The following OTOP2 variants were observed in gnomAD, a reference collection of about 807,000 sequenced individuals.
OTOP2 encodes otopetrin 2.
A neutral mutation model predicts 47.4 loss-of-function variants in OTOP2; 41 were observed. The ratio of observed to expected loss-of-function variants is 0.87; its 90% CI spans 0.67 to 1.12. The LOEUF is 1.12. Ranked by LOEUF, OTOP2 falls within the 50% of genes most tolerant of loss-of-function variation. The probability of loss-of-function intolerance (pLI) is 0.00; values close to 1 mark genes in which losing one functional copy is unlikely to be tolerated. For synonymous variants in OTOP2, 328 were observed against 319.6 expected, an observed-to-expected ratio of 1.03 and a Z score of -0.28; for missense variants, 721 against 752.2, an observed-to-expected ratio of 0.96 and a Z score of 0.49.
chr17:74,925,563 G>T lies in OTOP2; in HGVS notation c.321G>T (p.Leu107=). ...HAGPIWLRGG[L]VLFGICTLIM... ...CCCACCCCTGGTTTCCAGGTGGGCT[G>T]GTGCTGTTTGGAATCTGCACCCTCA... is the stretch of plus-strand genomic sequence containing the variant. The change falls in exon 3 of 7, where the codon CTG becomes CTT. Residue 107 remains leucine (L), a synonymous_variant. Transcript: ENST00000331427. 6.2e-7 allele frequency: 1 copy of T among 1,613,946 alleles called. No individual in the cohort carries two copies. The highest frequency in any genetic ancestry group is 8.5e-7 in the Non-Finnish European group (1 of 1,179,926).
rs2039022190 is a variant in OTOP2 at position 74,927,752 on chromosome 17, C to A, written c.597C>A (p.Tyr199Ter). The A allele has an allele frequency of 2.5e-6, 4 of 1,614,180 alleles. No individual in the cohort carries two copies. The highest frequency in any genetic ancestry group is 3.4e-6 in the Non-Finnish European group (4 of 1,180,020). The stretch of plus-strand genomic sequence containing the variant: ...AATCTGTGCACCAATCCCACTCCTA[C>A]AGCAGTTCTCACAGCAACGCCAGCC... ...VDESVHQSHS[Y>*]SSSHSNASHA... Residue 199 changes from tyrosine (Y) to a stop codon, truncating the protein, a stop_gained, in exon 5 of 7, where the codon TAC becomes TAA. Transcript: ENST00000331427. LOFTEE classifies it high-confidence loss of function.
Position 74,930,327 on chromosome 17 carries a change from C to T in OTOP2, c.692C>T (p.Ala231Val), listed in dbSNP as rs765038429. ...GGAGACTCCTGCCTCTGCAGCACGG[C>T]CGTCTGCCAGATCTTCCAGCAGGGG... ...VGGDSCLCST[A>V]VCQIFQQGYF... The change falls in exon 6 of 7, where the codon GCC (alanine) becomes GTC (valine). Residue 231 changes from alanine (A) to valine (V), a missense_variant. By Grantham distance (64) the Ala-to-Val change is moderately conservative (BLOSUM62 0). Coordinates refer to ENST00000331427, the MANE Select transcript of OTOP2 (RefSeq NM_178160.3). The surrounding 1 kb of genome is among the most constrained non-coding windows in gnomAD (Gnocchi z 4.0). 4 of 1,614,122 alleles carry T rather than the reference C, an allele frequency of 2.5e-6. No homozygotes were observed. Among genetic ancestry groups the T allele is most frequent in the Non-Finnish European group, 2.5e-6 (3 of 1,180,002 alleles).
chr17:74,925,087 T>A, intron 2 of OTOP2, 142 bp downstream of exon 2: 1 of 1,088,134 alleles, frequency 9.2e-7, no homozygotes, highest in South Asian at 1.7e-5. Flanking sequence ...GAGGGTGAAG[T>A]GGGCTGCAGT....
rs1227082216 is a variant in OTOP2 at position 74,930,605 on chromosome 17, G to T, written c.970G>T (p.Ala324Ser). ...CGGGGACGGGAGCCGCACCAGGCAG[G>T]CCCTGGTCATCTACTACAGCTTCAA... ...VSGDGSRTRQ[A>S]LVIYYSFNIV... Residue 324 changes from alanine (A) to serine (S), a missense_variant, in exon 6 of 7, where the codon GCC becomes TCC. Coordinates refer to ENST00000331427, the MANE Select transcript of OTOP2 (RefSeq NM_178160.3). This position sits in a 1 kb window ranked among gnomAD's most constrained non-coding sequence, Gnocchi z 4.0. The T allele has an allele frequency of 2.5e-6, 4 of 1,613,816 alleles. No individual in the cohort carries two copies. Among genetic ancestry groups the T allele is most frequent in the East Asian group, 2.2e-5 (1 of 44,884 alleles).
Position 74,933,309 on chromosome 17 carries a change from A to T in OTOP2, c.1519-66A>T, listed in dbSNP as rs1353435390. The T allele has an allele frequency of 1.3e-6, 2 of 1,535,594 alleles. No homozygotes were observed. Among genetic ancestry groups the T allele is most frequent in the African/African-American group, 2.7e-5 (2 of 73,502 alleles). On this transcript the variant is annotated intron_variant, in intron 6 of 6. Coordinates refer to ENST00000331427, the MANE Select transcript of OTOP2 (RefSeq NM_178160.3). The surrounding 1 kb of genome is among the most constrained non-coding windows in gnomAD (Gnocchi z 4.7). ...CGCCATCTAGCCACGGCCCAGCAAA[A>T]CCCACAGAAATGACCCACAGGCATC...
intron 5 of OTOP2, 109 bp downstream of exon 5, chr17:74,927,907 G>A (rs1354668760): frequency 2.1e-6 from 3 of 1,396,742 alleles, no homozygotes; most frequent in Non-Finnish European, 2.9e-6. Context: ...AGAGGCAAAG[G>A]ACAGAGCCAG....
chr17:74,927,378 G>C (rs2039017746), intron 4 of OTOP2, 97 bp downstream of exon 4: 1 of 1,389,812 alleles, frequency 7.2e-7, no homozygotes, highest in Non-Finnish European at 1.0e-6. Context: ...CTCTCTTTAT[G>C]TCCCCTGGGT....
chr17:74,932,152 T>C (rs551115296), intron 6 of OTOP2, among the ~76,000 whole-genome samples: 43 of 152,144 alleles, frequency 2.8e-4, no homozygotes, highest in Non-Finnish European at 5.3e-4. Context: ...CATGTACCTA[T>C]GTGGGTACAT....
intron 4 of OTOP2, 175 bp downstream of exon 4, chr17:74,927,456 C>A: frequency 9.7e-7 from 1 of 1,030,898 alleles, no homozygotes; most frequent in African/African-American, 1.6e-5. Context: ...CCCTTTCTCC[C>A]AGGGGAGGGA....
At chr17:74,926,018 G>A (rs567264122) in intron 3 of OTOP2, among the ~76,000 whole-genome samples, 8 of 152,218 alleles carry the variant, frequency 5.3e-5, no homozygotes, top group Non-Finnish European at 7.4e-5. Flanking sequence ...TTGGGTGCCC[G>A]TAGGGGGCTT....
chr17:74,925,034 C>G, intron 2 of OTOP2, 89 bp downstream of exon 2: 1 of 1,405,194 alleles, frequency 7.1e-7, no homozygotes, highest in Non-Finnish European at 9.4e-7. Flanking sequence ...TGCAGATTGA[C>G]ATACGAGGGC....
chr17:74,930,187 A>G lies in OTOP2; in HGVS notation c.644-92A>G, dbSNP rs1363474260. The G allele has an allele frequency of 6.9e-7, 1 of 1,440,314 alleles. No individual in the cohort carries two copies. Among genetic ancestry groups the G allele is most frequent in the South Asian group, 1.4e-5 (1 of 72,318 alleles). 89.2% of individuals were successfully genotyped at this position (1,440,314 alleles called of 1,614,324 possible). A position where few individuals can be genotyped will look rare whatever the true frequency, so the allele number is the denominator to read the frequency against. ...ATCAAGAGTGAAACTCCGTCTCAAA[A>G]CAAAACAAAAAAAAAAAGGTCACAG... On this transcript the variant is annotated intron_variant, in intron 5 of 6. Transcript: ENST00000331427. The surrounding 1 kb of genome is among the most constrained non-coding windows in gnomAD (Gnocchi z 4.0).
Position 74,930,712 on chromosome 17 carries a change from C to T in OTOP2, c.1077C>T (p.His359=). The change falls in exon 6 of 7, where the codon CAC becomes CAT. Residue 359 remains histidine, a synonymous_variant. Coordinates refer to ENST00000331427, the MANE Select transcript of OTOP2 (RefSeq NM_178160.3). This position sits in a 1 kb window ranked among gnomAD's most constrained non-coding sequence, Gnocchi z 4.0. The stretch of plus-strand genomic sequence containing the variant: ...GTTTTGACCGCCGGGCCATGGACCA[C>T]CATAAGAACCCCACGCGCACTCTGG... ...IYRFDRRAMD[H]HKNPTRTLDV... The T allele has an allele frequency of 6.2e-7, 1 of 1,614,110 alleles. No individual in the cohort carries two copies. The highest frequency in any genetic ancestry group is 8.5e-7 in the Non-Finnish European group (1 of 1,180,030).
chr17:74,927,294 G>A lies in OTOP2; in HGVS notation c.509+13G>A, dbSNP rs1275463979. ...TGGATCTGACCTGGTGAGAACTGCA[G>A]CTCGATGCCTGTACCCAGCGTGCTG... is the stretch of plus-strand genomic sequence containing the variant. On this transcript the variant is annotated intron_variant, in intron 4 of 6. Coordinates refer to ENST00000331427, the MANE Select transcript of OTOP2 (RefSeq NM_178160.3). 8 of 1,609,346 alleles carry A rather than the reference G, an allele frequency of 5.0e-6. No homozygotes were observed. The highest frequency in any genetic ancestry group is 4.4e-5 in the South Asian group (4 of 90,960).
intron 6 of OTOP2, among the ~76,000 whole-genome samples, chr17:74,932,160 C>A (rs1282817067): frequency 6.6e-6 from 1 of 152,044 alleles, no homozygotes; most frequent in Non-Finnish European, 1.5e-5. Flanking sequence ...TATGTGGGTA[C>A]ATCTCAAAGA....
rs1449231043 is a variant in OTOP2, at chr17:74,933,430, T to C, written c.1574T>C (p.Val525Ala). Reference protein sequence around the residue: ...ARPHFSNTVEVDFYGYSLWAV... With the variant: ...ARPHFSNTVEADFYGYSLWAV... ...CCTCATTTCAGCAACACAGTGGAGGTGGATTTCTACGGCTACTCCCTCTGG... is the reference window on the plus strand; with the variant it reads ...CCTCATTTCAGCAACACAGTGGAGGCGGATTTCTACGGCTACTCCCTCTGG... The change falls in exon 7 of 7, where the codon GTG (valine) becomes GCG (alanine). Residue 525 changes from valine (V) to alanine (A), a missense_variant. Physicochemically the swap from Val to Ala is moderately conservative, Grantham distance 64. Transcript: ENST00000331427. This position sits in a 1 kb window ranked among gnomAD's most constrained non-coding sequence, Gnocchi z 4.7. 1 of 1,613,882 alleles carries C rather than the reference T, an allele frequency of 6.2e-7. No individual in the cohort carries two copies. Among genetic ancestry groups the C allele is most frequent in the Non-Finnish European group, 8.5e-7 (1 of 1,179,856 alleles).
intron 3 of OTOP2, among the ~76,000 whole-genome samples, chr17:74,926,932 C>T (rs1455287111): frequency 6.6e-6 from 1 of 151,812 alleles, no homozygotes; most frequent in Non-Finnish European, 1.5e-5. Flanking sequence ...ATTTTTTGTG[C>T]GTTTTTAGTA....
Position 74,933,043 on chromosome 17 carries a change from T to C in OTOP2, c.1519-332T>C, listed in dbSNP as rs1598596750. Among the ~76,000 whole-genome samples the C allele has an allele frequency of 6.6e-6, 1 of 151,278 alleles. No individual in the cohort carries two copies. Among genetic ancestry groups the C allele is most frequent in the African/African-American group, 2.4e-5 (1 of 41,056 alleles). On this transcript the variant is annotated intron_variant, in intron 6 of 6. Transcript: ENST00000331427. This position sits in a 1 kb window ranked among gnomAD's most constrained non-coding sequence, Gnocchi z 4.7. ...CCCAGGACAGAGCTGCTGATTTCAC[T>C]GTTTGTACCTCTTCTTCTAGAGAAA...
rs1307841137 is a variant in OTOP2 at position 74,930,355 on chromosome 17, C to T, written c.720C>T (p.Tyr240=). The T allele has an allele frequency of 1.2e-6, 2 of 1,614,178 alleles. No individual in the cohort carries two copies. The highest frequency in any genetic ancestry group is 2.2e-5 in the South Asian group (2 of 91,078). Residue 240 remains tyrosine, a synonymous_variant, in exon 6 of 7, where the codon TAC becomes TAT. Coordinates refer to ENST00000331427, the MANE Select transcript of OTOP2 (RefSeq NM_178160.3). The surrounding 1 kb of genome is among the most constrained non-coding windows in gnomAD (Gnocchi z 4.0). ...TAVCQIFQQG[Y]FYLYPFNIEY... is the part of the protein sequence containing the mutation. ...TCTGCCAGATCTTCCAGCAGGGGTA[C>T]TTCTACCTATATCCCTTCAACATCG...
Sources: gnomAD v4.1 joint callset for allele counts (sites outside exome capture counted in the v4.1 genomes callset) on GRCh38, gnomAD v4.1.1 for gene constraint, Gnocchi (gnomAD v3.1) non-coding constraint, MANE v1.5 for transcripts, NCBI Gene and HGNC (gene_info 2026-07-23, HGNC 2026-07-21) for gene names.